The following IL1RN variants were observed in gnomAD, a reference collection of about 807,000 sequenced individuals.
IL1RN encodes the protein interleukin 1 receptor antagonist.
Under a neutral mutation model 13.7 loss-of-function variants are expected in IL1RN, and 10 were observed. That is an observed-to-expected ratio of 0.73 (90% confidence interval 0.45 to 1.24). IL1RN has a LOEUF of 1.24. IL1RN is among the 50% of genes most tolerant of loss of function. The pLI, the probability that IL1RN is intolerant of heterozygous loss-of-function variation, is 0.00. For synonymous variants in IL1RN, 102 were observed against 82.7 expected (o/e 1.23, Z -1.27); for missense variants, 213 against 222.1 (o/e 0.96, Z 0.26).
At chr2:113,102,309 T>A (rs1373901905), upstream of IL1RN, among the ~76,000 whole-genome samples, 1 of 152,186 alleles carries the variant, frequency 6.6e-6, no homozygotes, top group Non-Finnish European at 1.5e-5. Flanking sequence ...CCTCTTCTTA[T>A]AAGGACACCA....
At chr2:113,129,782 T>A (rs1019715648) in intron 2 of IL1RN, 118 bp downstream of exon 2, 8 of 768,522 alleles carry the variant, frequency 1.0e-5, no homozygotes, top group African/African-American at 1.7e-5. Flanking sequence ...CCTTGTTGGG[T>A]CTTTGTATTC....
upstream of IL1RN, among the ~76,000 whole-genome samples, chr2:113,108,244 G>T (rs562967011): frequency 8.0e-3 from 1,193 of 149,394 alleles, 17 homozygotes; most frequent in African/African-American, 0.028. Flanking sequence ...TTTTTTTTTT[G>T]GGGGGGGTTA....
upstream of IL1RN, among the ~76,000 whole-genome samples, chr2:113,124,434 TG>T (rs1280089473): frequency 1.6e-5 from 2 of 123,724 alleles, no homozygotes; most frequent in East Asian, 3.3e-4. Flanking sequence ...CCACAGTGAT[TG>T]ACAGCCCCCC....
At chr2:113,125,560 C>A (rs1156318777), upstream of IL1RN, among the ~76,000 whole-genome samples, 1 of 152,180 alleles carries the variant, frequency 6.6e-6, no homozygotes, top group Non-Finnish European at 1.5e-5. Context: ...ATTCTTTAAA[C>A]CTTTGGGAAA....
chr2:113,127,326 G>T, upstream of IL1RN: 1 of 342,582 alleles, frequency 2.9e-6, no homozygotes, highest in Non-Finnish European at 4.1e-6. Context: ...TAGGGAGTTT[G>T]GTTTCCATTG....
chr2:113,110,011 C>T (rs1189312642), upstream of IL1RN, among the ~76,000 whole-genome samples: 2 of 152,190 alleles, frequency 1.3e-5, no homozygotes, highest in African/African-American at 2.4e-5. Context: ...ACCTACTTCA[C>T]ATTATCCATC....
chr2:113,108,062 C>T (rs1010146854), upstream of IL1RN, among the ~76,000 whole-genome samples: 2 of 152,090 alleles, frequency 1.3e-5, no homozygotes, highest in Non-Finnish European at 2.9e-5. Context: ...GAAATTTAAC[C>T]TCCTGATTTC....
intron 1 of IL1RN, among the ~76,000 whole-genome samples, chr2:113,119,434 A>G (rs1686692585): frequency 6.6e-6 from 1 of 152,208 alleles, no homozygotes; most frequent in Non-Finnish European, 1.5e-5. Flanking sequence ...AAACCACTAC[A>G]CTATGCTATG....
rs1383165678 is a variant in IL1RN, at chr2:113,121,072, CTCCTCTTCT to C, written c.73+947_73+955del. The stretch of plus-strand genomic sequence containing the variant: ...CTTCTTCTTCTTCCTCCTCCTCCTC[CTCCTCTTCT>C]TCTTCTTCTTCTTCCTCTTCCTCTT... On this transcript the variant is annotated intron_variant, in intron 2 of 5. Transcript: ENST00000259206. Among the ~76,000 whole-genome samples the C allele has an allele frequency of 3.4e-4, 51 of 147,870 alleles. No homozygotes were observed. In the South Asian group the frequency reaches 7.4e-3, roughly 22 times the overall value.
At chr2:113,100,375 C>T in the IL1RN span, among the ~76,000 whole-genome samples, 1 of 150,970 alleles carries the variant, frequency 6.6e-6, no homozygotes, top group African/African-American at 2.4e-5. Context: ...TGAGGCCAGG[C>T]GTATTCATGT....
At position 113,132,478 on chromosome 2, in the gene IL1RN, A is replaced by G. The variant is rs4252021; in HGVS notation, c.319-178A>G. Among the ~76,000 whole-genome samples, 1,359 of 152,272 alleles carry G rather than the reference A, an allele frequency of 8.9e-3. 18 individuals are homozygous for G. The highest frequency in any genetic ancestry group is 0.031 in the African/African-American group (1,282 of 41,536). ...AATTAATTAATAAATAAATAAACCT[A>G]GGTCCCAGAGTCCCACAGAATGGCA... is the stretch of plus-strand genomic sequence containing the variant. On this transcript the variant is annotated intron_variant, in intron 3 of 3. Transcript: ENST00000409930.
At chr2:113,131,580 G>C (rs1687173605) in intron 3 of IL1RN, among the ~76,000 whole-genome samples, 1 of 152,100 alleles carries the variant, frequency 6.6e-6, no homozygotes, top group African/African-American at 2.4e-5. Flanking sequence ...AACACCAGGA[G>C]ACACGGTCAC....
chr2:113,122,449 G>A (rs538802435), intron 2 of IL1RN, among the ~76,000 whole-genome samples: 1 of 152,276 alleles, frequency 6.6e-6, no homozygotes, highest in South Asian at 2.1e-4. Flanking sequence ...TGTCTCCCCA[G>A]CTCCCCATTC....
upstream of IL1RN, among the ~76,000 whole-genome samples, chr2:113,122,924 G>A (rs528591618): frequency 3.3e-5 from 5 of 152,256 alleles, no homozygotes; most frequent in South Asian, 6.2e-4. Context: ...TCGGGAGTTC[G>A]AGACCAGCCT....
At chr2:113,102,071 A>T in the IL1RN span, among the ~76,000 whole-genome samples, 598 of 152,170 alleles carry the variant, frequency 3.9e-3, 1 homozygote, top group Non-Finnish European at 5.8e-3. Flanking sequence ...CCCGCCCGAG[A>T]CTTTTTTTCT....
chr2:113,112,608 G>T (rs904722420), intron 1 of IL1RN, among the ~76,000 whole-genome samples: 3 of 151,974 alleles, frequency 2.0e-5, no homozygotes, highest in Admixed American at 2.0e-4. Flanking sequence ...TGAATTCCCC[G>T]CCCACGCTTT....
chr2:113,116,477 C>T (rs556005843), upstream of IL1RN, among the ~76,000 whole-genome samples: 3 of 151,124 alleles, frequency 2.0e-5, no homozygotes, highest in Admixed American at 6.6e-5. Flanking sequence ...TCCCTGCGGT[C>T]GGGAGCACCC....
In IL1RN at chr2:113,111,636, A is replaced by G. The variant is rs77853995; in HGVS notation, c.-388+437A>G. Among the ~76,000 whole-genome samples the G allele has an allele frequency of 1.8e-3, 275 of 152,340 alleles. 2 individuals carry two copies. In the East Asian group the frequency reaches 0.041, roughly 23 times the overall value. ...TATATAAAGGCCTGGCTCCCTTGCC[A>G]GTGCCACCCTACCTCCTGGCGAATG... On this transcript the variant is annotated intron_variant, in intron 1 of 8. Coordinates refer to the IL1RN transcript ENST00000409052.
At chr2:113,104,473 G>A (rs902084217), upstream of IL1RN, among the ~76,000 whole-genome samples, 1 of 152,128 alleles carries the variant, frequency 6.6e-6, no homozygotes, top group Non-Finnish European at 1.5e-5. Context: ...CTATTCCTGG[G>A]CCTTCTCATG....
Sources: gnomAD v4.1 joint callset for allele counts (sites outside exome capture counted in the v4.1 genomes callset) on GRCh38, gnomAD v4.1.1 for gene constraint, MANE v1.5 for transcripts, NCBI Gene and HGNC (gene_info 2026-07-23, HGNC 2026-07-21) for gene names.